ERAP1: variants seen among roughly 807,000 people sequenced by gnomAD.
The protein encoded by ERAP1 is endoplasmic reticulum aminopeptidase 1.
In ERAP1, 86 loss-of-function variants were observed where a neutral mutation model predicts 103.7. The ratio of observed to expected loss-of-function variants is 0.83; its 90% CI spans 0.70 to 0.99. The LOEUF is 0.99. Ranked by LOEUF, ERAP1 falls within the 50% of genes least tolerant of loss-of-function variation. ERAP1 has a pLI of 0.00. For missense variants in ERAP1, 1,009 were observed against 1,128.4 expected, an observed-to-expected ratio of 0.89 and a Z score of 1.52; for synonymous variants, 398 against 402.4, an observed-to-expected ratio of 0.99 and a Z score of 0.13.
chr5:96,887,891 G>A, the ERAP1 span, among the ~76,000 whole-genome samples: 1 of 152,010 alleles, frequency 6.6e-6, no homozygotes, highest in African/African-American at 2.4e-5. Context: ...TTTGGGAGGC[G>A]GAGGCTGGCA....
chr5:96,831,247 C>G, the ERAP1 span, among the ~76,000 whole-genome samples: 1 of 152,130 alleles, frequency 6.6e-6, no homozygotes, highest in East Asian at 1.9e-4. Flanking sequence ...AACCAGATCT[C>G]ACAATTCACT....
the ERAP1 span, among the ~76,000 whole-genome samples, chr5:96,925,304 T>G: frequency 6.6e-6 from 1 of 152,228 alleles, no homozygotes; most frequent in Non-Finnish European, 1.5e-5. Flanking sequence ...AGGGTACTTG[T>G]CCTCATTTTA....
At chr5:96,815,418 T>TG in the ERAP1 span, among the ~76,000 whole-genome samples, 2 of 148,224 alleles carry the variant, frequency 1.3e-5, no homozygotes, top group African/African-American at 2.5e-5. Flanking sequence ...TTTTTTATTT[T>TG]TTTTTTTTTT....
the ERAP1 span, among the ~76,000 whole-genome samples, chr5:96,858,256 C>A: frequency 6.7e-6 from 1 of 150,272 alleles, no homozygotes; most frequent in Admixed American, 6.6e-5. Context: ...GCTCTGTTGC[C>A]CAGGCTAGAG....
the ERAP1 span, among the ~76,000 whole-genome samples, chr5:96,837,586 T>C: frequency 6.6e-6 from 1 of 152,154 alleles, no homozygotes; most frequent in Non-Finnish European, 1.5e-5. Flanking sequence ...CAAAACTCTG[T>C]AGGTGCCATG....
At chr5:96,787,550 G>A (rs1209198866) in intron 11 of ERAP1, among the ~76,000 whole-genome samples, 1 of 152,174 alleles carries the variant, frequency 6.6e-6, no homozygotes, top group Non-Finnish European at 1.5e-5. Flanking sequence ...AAAGGCATGA[G>A]CCACTGTGAC....
At chr5:96,770,039 A>T (rs543794591), downstream of ERAP1, 5 of 154,278 alleles carry the variant, frequency 3.2e-5, no homozygotes, top group African/African-American at 1.2e-4. Flanking sequence ...GAGTGCAGAT[A>T]TCTTTATAAG....
At chr5:96,837,927 G>A in the ERAP1 span, among the ~76,000 whole-genome samples, 1 of 152,030 alleles carries the variant, frequency 6.6e-6, no homozygotes, top group South Asian at 2.1e-4. Flanking sequence ...CCATCAAGCC[G>A]TCCCTCTGAA....
rs765772798 is a variant in ERAP1, at chr5:96,785,977, G to A, written c.1760-6C>T. 4 of 1,613,564 alleles carry A rather than the reference G, an allele frequency of 2.5e-6. No homozygotes were observed. The highest frequency in any genetic ancestry group is 2.7e-5 in the African/African-American group (2 of 75,026). On this transcript the variant is annotated splice_region_variant and splice_polypyrimidine_tract_variant and intron_variant, in intron 12 of 18. Coordinates refer to ENST00000443439, the MANE Select transcript of ERAP1 (RefSeq NM_001040458.3). ...TTCTGGGAGGATGAGCACATCTAGA[G>A]TAAATAAAATAAATCAAAGTTCCAT...
chr5:96,879,801 C>G, the ERAP1 span: 69 of 1,614,082 alleles, frequency 4.3e-5, no homozygotes, highest in Non-Finnish European at 5.8e-5. Flanking sequence ...TCTCAGTTCT[C>G]AGTGCCATCT....
the ERAP1 span, among the ~76,000 whole-genome samples, chr5:96,908,188 G>A: frequency 6.6e-6 from 1 of 152,102 alleles, no homozygotes. Context: ...CACATCACAC[G>A]ATTGTGTTAT....
At chr5:96,881,988 G>GA in the ERAP1 span, among the ~76,000 whole-genome samples, 94,773 of 151,896 alleles carry the variant, frequency 0.62, 29,743 homozygotes, top group Middle Eastern at 0.74. Context: ...TGGGTATCAG[G>GA]AAGTGACTAG....
chr5:96,910,983 C>G, the ERAP1 span, among the ~76,000 whole-genome samples: 1 of 152,106 alleles, frequency 6.6e-6, no homozygotes, highest in Non-Finnish European at 1.5e-5. Context: ...CAGCAAAATA[C>G]ACTAAAATGA....
intron 19 of ERAP1, chr5:96,767,943 T>G (rs770547929): frequency 1.2e-6 from 2 of 1,613,704 alleles, no homozygotes; most frequent in South Asian, 2.2e-5. Flanking sequence ...TGATGCTCTC[T>G]CAGGAGATCT....
At chr5:96,909,155 A>G in the ERAP1 span, 4,056 of 1,597,328 alleles carry the variant, frequency 2.5e-3, 9 homozygotes, top group Middle Eastern at 4.7e-3. Context: ...AAGTAAATAC[A>G]CAGTGTCTGG....
chr5:96,777,933 A>T (rs1466154054), intron 18 of ERAP1, among the ~76,000 whole-genome samples: 1 of 152,236 alleles, frequency 6.6e-6, no homozygotes, highest in Non-Finnish European at 1.5e-5. Context: ...CTGTGCAATA[A>T]GTAGCACAAT....
the ERAP1 span, among the ~76,000 whole-genome samples, chr5:96,838,906 T>C: frequency 1.3e-5 from 2 of 152,200 alleles, no homozygotes; most frequent in East Asian, 3.8e-4. Flanking sequence ...CACAATCTCC[T>C]ATAAAACTGC....
Position 96,776,418 on chromosome 5 carries a change from C to CTT in ERAP1, c.2802_2803dup (p.Ser935LysfsTer32). ...TTTTTACATACGTTCAAGCTTTTCA[C>CTT]TTTGCAGCCACACTCTGATTTTATC... is the stretch of plus-strand genomic sequence containing the variant. On this transcript the variant is annotated frameshift_variant, in exon 19 of 19. Transcript: ENST00000443439. LOFTEE classifies it high-confidence loss of function. 6.2e-7 allele frequency: 1 copy of CTT among 1,612,728 alleles called. No homozygotes were observed. Among genetic ancestry groups the CTT allele is most frequent in the Non-Finnish European group, 8.5e-7 (1 of 1,179,544 alleles).
chr5:96,837,731 C>A, the ERAP1 span, among the ~76,000 whole-genome samples: 1 of 152,310 alleles, frequency 6.6e-6, no homozygotes, highest in African/African-American at 2.4e-5. Context: ...CAGCCTTTCG[C>A]ACCTGTGCCA....
Sources: allele counts gnomAD v4.1 joint callset (sites outside exome capture counted in the v4.1 genomes callset), GRCh38; gene constraint gnomAD v4.1.1; transcripts MANE v1.5; gene names NCBI Gene and HGNC (gene_info 2026-07-23, HGNC 2026-07-21).